Variants in IPO11 observed in about 807,000 individuals in gnomAD.
The protein encoded by IPO11 is importin 11, also known as importin-11.
In IPO11, 66 loss-of-function variants were observed where a neutral mutation model predicts 143.2. The ratio of observed to expected loss-of-function variants is 0.46; its 90% CI spans 0.38 to 0.57. The LOEUF is 0.57. IPO11 is among the 20% of genes least tolerant of loss of function. The probability of loss-of-function intolerance (pLI) is 0.00; values close to 1 mark genes in which losing one functional copy is unlikely to be tolerated. For missense variants in IPO11, 1,026 were observed against 1,141.0 expected (o/e 0.90, Z 1.45); for synonymous variants, 385 against 377.8 (o/e 1.02, Z -0.22).
At chr5:62,464,304 C>T (rs1234149568) in intron 5 of IPO11, among the ~76,000 whole-genome samples, 1 of 151,636 alleles carries the variant, frequency 6.6e-6, no homozygotes, top group East Asian at 1.9e-4. Context: ...CCATGCCCAA[C>T]TAATTTTTGT....
intron 5 of IPO11, among the ~76,000 whole-genome samples, chr5:62,459,378 ACT>A (rs67869178): frequency 0.09 from 13,712 of 151,670 alleles, 663 homozygotes; most frequent in East Asian, 0.14. Flanking sequence ...CATTTTTGAG[ACT>A]CTGTCTCAAA....
chr5:62,429,939 A>G (rs1743919293), intron 1 of IPO11, among the ~76,000 whole-genome samples: 1 of 152,022 alleles, frequency 6.6e-6, no homozygotes, highest in Non-Finnish European at 1.5e-5. Flanking sequence ...TTATATTTTT[A>G]GTAGAGATGG....
chr5:62,521,845 T>C (rs1012439509), intron 20 of IPO11, among the ~76,000 whole-genome samples: 2 of 152,080 alleles, frequency 1.3e-5, no homozygotes, highest in East Asian at 3.8e-4. Context: ...TTAATGCCTA[T>C]GGGTTCTTTT....
intron 26 of IPO11, among the ~76,000 whole-genome samples, chr5:62,552,449 A>G (rs1388325807): frequency 2.0e-5 from 3 of 151,330 alleles, no homozygotes; most frequent in African/African-American, 7.3e-5. Flanking sequence ...ATTTTAATTG[A>G]AATGGGGTAA....
Position 62,624,949 on chromosome 5 carries a change from C to T in IPO11, c.2764-2205C>T, listed in dbSNP as rs917159833. ...GCAGTGAGCCGAAATCGCGCCAGTG[C>T]ACTCCAGCCTGAGCGACAGAGCGAG... On this transcript the variant is annotated intron_variant, in intron 29 of 29. Coordinates refer to ENST00000325324, the MANE Select transcript of IPO11 (RefSeq NM_016338.5). Among the ~76,000 whole-genome samples, 5 of 144,362 alleles carry T rather than the reference C, an allele frequency of 3.5e-5. No individual in the cohort carries two copies. In the East Asian group the frequency reaches 1.0e-3, roughly 30 times the overall value. The allele number at this position is 144,362 out of a possible 152,430, so 94.7% of individuals were successfully genotyped here. A position where few individuals can be genotyped will look rare whatever the true frequency, so the allele number is the denominator to read the frequency against.
intron 10 of IPO11, among the ~76,000 whole-genome samples, chr5:62,483,597 A>T (rs560193597): frequency 6.6e-6 from 1 of 152,260 alleles, no homozygotes; most frequent in East Asian, 1.9e-4. Flanking sequence ...AACAAATAAA[A>T]GCTTTCTCTG....
chr5:62,540,201 T>A (rs1742882337), intron 24 of IPO11, among the ~76,000 whole-genome samples: 1 of 152,206 alleles, frequency 6.6e-6, no homozygotes, highest in African/African-American at 2.4e-5. Context: ...TGGGATTCTC[T>A]GCTTGACCAG....
chr5:62,494,671 ATAG>A (rs1457456336), intron 16 of IPO11, among the ~76,000 whole-genome samples: 2 of 152,124 alleles, frequency 1.3e-5, no homozygotes, highest in East Asian at 3.8e-4. Flanking sequence ...AATTACTGAA[ATAG>A]TAGTAGTAAT....
At position 62,579,701 on chromosome 5, in the gene IPO11, C is replaced by T. The variant is rs766037655; in HGVS notation, c.2583-11876C>T. 1.9e-6 allele frequency: 3 copies of T among 1,548,348 alleles called. No individual in the cohort carries two copies. In the South Asian group the frequency reaches 3.6e-5, roughly 19 times the overall value. On this transcript the variant is annotated intron_variant, in intron 27 of 29. Transcript: ENST00000325324. Reference sequence around the variant, plus strand: ...TTAACAGGACTTCATTCTCTTGTAGCATTGTATTTGGATAATTCTAACATT... The same window carrying T: ...TTAACAGGACTTCATTCTCTTGTAGTATTGTATTTGGATAATTCTAACATT...
At chr5:62,499,896 A>G (rs1230430036) in intron 16 of IPO11, among the ~76,000 whole-genome samples, 1 of 152,194 alleles carries the variant, frequency 6.6e-6, no homozygotes, top group Non-Finnish European at 1.5e-5. Context: ...GGTTAGGATC[A>G]TCAATATCAT....
At chr5:62,573,726 A>T (rs1158156003) in intron 27 of IPO11, among the ~76,000 whole-genome samples, 3 of 152,250 alleles carry the variant, frequency 2.0e-5, no homozygotes, top group Non-Finnish European at 4.4e-5. Flanking sequence ...TTCCAATTAC[A>T]AAAATAGGCA....
In IPO11 at chr5:62,496,082, G is replaced by C. The variant is rs1034417004; in HGVS notation, c.1590+1958G>C. Among the ~76,000 whole-genome samples, 3 of 152,110 alleles carry C rather than the reference G, an allele frequency of 2.0e-5. No individual in the cohort carries two copies. The East Asian group carries it at 5.8e-4, about 29-fold the overall frequency. On this transcript the variant is annotated intron_variant, in intron 16 of 29. Transcript: ENST00000325324. Reference sequence around the variant, plus strand: ...AGGTGGGCTGATCACGAGGTCAGGAGTTTGAGACCAGCCTGGCCAGCACGA... The same window carrying C: ...AGGTGGGCTGATCACGAGGTCAGGACTTTGAGACCAGCCTGGCCAGCACGA...
intron 24 of IPO11, among the ~76,000 whole-genome samples, chr5:62,549,606 CCT>C (rs1743326049): frequency 6.6e-6 from 1 of 152,210 alleles, no homozygotes; most frequent in African/African-American, 2.4e-5. Context: ...TCCTTCCCCA[CCT>C]CTCAAGCACT....
rs1745006296 is a variant in IPO11, at chr5:62,453,207, T to G, written c.516+1274T>G. Among the ~76,000 whole-genome samples, 4 of 151,082 alleles carry G rather than the reference T, an allele frequency of 2.6e-5. No individual in the cohort carries two copies. In the South Asian group the frequency reaches 8.3e-4, roughly 31 times the overall value. On this transcript the variant is annotated intron_variant, in intron 5 of 29. Transcript: ENST00000325324. ...TGTACTTTAAATATTGCTCATGCCT[T>G]TCCCTAAATTAGCGGGCTTTTCCTT...
chr5:62,603,588 CA>C (rs1745586965), intron 29 of IPO11, among the ~76,000 whole-genome samples: 1 of 152,220 alleles, frequency 6.6e-6, no homozygotes, highest in East Asian at 1.9e-4. Context: ...CATTTCCTGA[CA>C]GGGTGCACTT....
chr5:62,413,766 C>T (rs951439147), intron 1 of IPO11, among the ~76,000 whole-genome samples: 28 of 152,190 alleles, frequency 1.8e-4, no homozygotes, highest in African/African-American at 6.0e-4. Context: ...TAATGCTTTT[C>T]CCCCTCCTGG....
intron 20 of IPO11, among the ~76,000 whole-genome samples, chr5:62,520,330 T>C (rs533739809): frequency 4.6e-5 from 7 of 152,338 alleles, no homozygotes; most frequent in African/African-American, 1.7e-4. Context: ...ACACATTTCC[T>C]CAGTGATGTT....
chr5:62,518,752 C>G (rs955734766), intron 20 of IPO11, among the ~76,000 whole-genome samples: 4 of 152,028 alleles, frequency 2.6e-5, no homozygotes, highest in Non-Finnish European at 5.9e-5. Flanking sequence ...AATCCAGATT[C>G]TGGTAGTCTT....
intron 27 of IPO11, among the ~76,000 whole-genome samples, chr5:62,572,537 A>ATTTGTTTG (rs552979595): frequency 3.3e-4 from 34 of 101,878 alleles, no homozygotes; most frequent in Non-Finnish European, 6.3e-4. Context: ...GTATATGTAT[A>ATTTGTTTG]TTTGTTTGTT....
Sources: gnomAD v4.1 joint callset for allele counts (sites outside exome capture counted in the v4.1 genomes callset) on GRCh38, gnomAD v4.1.1 for gene constraint, MANE v1.5 for transcripts, NCBI Gene and HGNC (gene_info 2026-07-23, HGNC 2026-07-21) for gene names.